The following NAALADL2 variants were observed in gnomAD, a reference collection of about 807,000 sequenced individuals.
NAALADL2 encodes N-acetylated alpha-linked acidic dipeptidase like 2.
A neutral mutation model predicts 87.2 loss-of-function variants in NAALADL2; 76 were observed. The observed-to-expected ratio is 0.87, with a 90% CI of 0.72 to 1.05. NAALADL2 has a LOEUF of 1.05. Among genes scored for constraint, NAALADL2 ranks in the 50% least tolerant of loss-of-function variants. The pLI, the probability that NAALADL2 is intolerant of heterozygous loss-of-function variation, is 0.00. For synonymous variants in NAALADL2, 354 were observed against 331.0 expected (o/e 1.07, Z -0.75); for missense variants, 1,089 against 945.8 (o/e 1.15, Z -1.99).
At chr3:175,093,521 T>C (rs1421586932) in intron 1 of NAALADL2, among the ~76,000 whole-genome samples, 1 of 147,890 alleles carries the variant, frequency 6.8e-6, no homozygotes, top group African/African-American at 2.5e-5. Context: ...CTAAATAATT[T>C]TATAGAAATA....
chr3:175,724,587 A>G (rs190822205), intron 11 of NAALADL2, among the ~76,000 whole-genome samples: 4 of 152,272 alleles, frequency 2.6e-5, no homozygotes, highest in East Asian at 1.9e-4. Flanking sequence ...AAGAAACTGC[A>G]TTAACAATGT....
chr3:175,043,321 C>T (rs1446631108), intron 1 of NAALADL2, among the ~76,000 whole-genome samples: 3 of 152,282 alleles, frequency 2.0e-5, no homozygotes, highest in African/African-American at 7.2e-5. Context: ...TCACTGCAAC[C>T]TCTGCCTCCC....
At chr3:175,730,884 C>T (rs1413196396) in intron 11 of NAALADL2, among the ~76,000 whole-genome samples, 2 of 152,044 alleles carry the variant, frequency 1.3e-5, no homozygotes, top group Non-Finnish European at 2.9e-5. Context: ...TGTAATTTTA[C>T]AGATGGTGAA....
intron 3 of NAALADL2, among the ~76,000 whole-genome samples, chr3:174,831,333 G>A (rs1232669707): frequency 6.8e-6 from 1 of 146,418 alleles, no homozygotes; most frequent in East Asian, 1.9e-4. Flanking sequence ...GTTGAATTTT[G>A]TCAAAGGCCT....
chr3:175,262,388 A>G (rs754169042), intron 4 of NAALADL2, among the ~76,000 whole-genome samples: 23 of 152,022 alleles, frequency 1.5e-4, no homozygotes, highest in Non-Finnish European at 3.2e-4. Context: ...ATTTATTCTA[A>G]TTATTAGAAA....
chr3:175,788,116 A>G (rs1752334405), intron 13 of NAALADL2, among the ~76,000 whole-genome samples: 1 of 142,858 alleles, frequency 7.0e-6, no homozygotes, highest in Middle Eastern at 3.6e-3. Context: ...TTTTTGAGAC[A>G]AGGTCTCACT....
chr3:174,454,191 T>C (rs1715670173), intron 1 of NAALADL2, among the ~76,000 whole-genome samples: 1 of 152,190 alleles, frequency 6.6e-6, no homozygotes, highest in Non-Finnish European at 1.5e-5. Context: ...CGGGAAGATC[T>C]AACTTTCCTA....
At chr3:175,071,330 C>T (rs79708344) in intron 1 of NAALADL2, among the ~76,000 whole-genome samples, 4,192 of 152,082 alleles carry the variant, frequency 0.028, 162 homozygotes, top group African/African-American at 0.09. Flanking sequence ...TTCCTTTACA[C>T]GAATTTTTGG....
chr3:175,451,169 G>T (rs774860726), intron 6 of NAALADL2, among the ~76,000 whole-genome samples: 5 of 151,972 alleles, frequency 3.3e-5, no homozygotes, highest in Admixed American at 6.6e-5. Context: ...CTTTGTTTCA[G>T]CCTATTTATA....
intron 1 of NAALADL2, among the ~76,000 whole-genome samples, chr3:174,874,643 AC>A (rs1280487445): frequency 6.6e-6 from 1 of 152,154 alleles, no homozygotes; most frequent in African/African-American, 2.4e-5. Flanking sequence ...AGAAAAAATA[AC>A]CTTGACTGGG....
intron 3 of NAALADL2, among the ~76,000 whole-genome samples, chr3:175,240,631 T>C (rs1746681425): frequency 6.6e-6 from 1 of 152,090 alleles, no homozygotes; most frequent in Non-Finnish European, 1.5e-5. Flanking sequence ...AACACAGAAA[T>C]GTGAACTTCG....
intron 5 of NAALADL2, among the ~76,000 whole-genome samples, chr3:175,327,162 T>C (rs902507329): frequency 2.1e-5 from 3 of 145,506 alleles, no homozygotes; most frequent in Non-Finnish European, 4.5e-5. Flanking sequence ...TTTTTTTTTT[T>C]TTTTTTTTTC....
intron 1 of NAALADL2, among the ~76,000 whole-genome samples, chr3:174,532,787 C>T (rs961566448): frequency 3.3e-4 from 50 of 152,044 alleles, no homozygotes; most frequent in Non-Finnish European, 4.4e-4. Context: ...CAAACTGTAT[C>T]CCCTGTTGAC....
intron 10 of NAALADL2, among the ~76,000 whole-genome samples, chr3:175,592,307 C>CTTTTTTT (rs758914649): frequency 1.9e-4 from 8 of 43,232 alleles, no homozygotes; most frequent in Non-Finnish European, 3.6e-4. Context: ...TTTTTCTTTT[C>CTTTTTTT]TTTTTTTTTT....
intron 2 of NAALADL2, among the ~76,000 whole-genome samples, chr3:174,664,572 TG>T (rs1414612187): frequency 1.3e-5 from 2 of 152,238 alleles, no homozygotes; most frequent in Non-Finnish European, 2.9e-5. Flanking sequence ...GCTTTCTTGC[TG>T]GCATCAGTTA....
intron 3 of NAALADL2, among the ~76,000 whole-genome samples, chr3:174,774,164 C>T (rs1714923745): frequency 6.6e-6 from 1 of 152,092 alleles, no homozygotes; most frequent in African/African-American, 2.4e-5. Flanking sequence ...TGCATATGGC[C>T]TTCTTATATG....
At chr3:174,568,200 T>C (rs940189184) in intron 2 of NAALADL2, among the ~76,000 whole-genome samples, 11 of 151,866 alleles carry the variant, frequency 7.2e-5, no homozygotes, top group Admixed American at 7.2e-4. Context: ...ACTTTCTATT[T>C]ATTGATATCA....
intron 2 of NAALADL2, among the ~76,000 whole-genome samples, chr3:174,615,194 GA>G (rs1720335821): frequency 6.6e-6 from 1 of 152,168 alleles, no homozygotes; most frequent in African/African-American, 2.4e-5. Flanking sequence ...TTTAAATGTG[GA>G]AGTAGCTATT....
chr3:175,467,087 C>G lies in NAALADL2; in HGVS notation c.1436C>G (p.Ser479Ter). The G allele has an allele frequency of 3.7e-6, 6 of 1,613,762 alleles. No individual in the cohort carries two copies. Among genetic ancestry groups the G allele is most frequent in the Non-Finnish European group, 5.1e-6 (6 of 1,179,816 alleles). The change falls in exon 8 of 14, where the codon TCA becomes TGA. Residue 479 changes from serine to a stop codon, truncating the protein, a stop_gained. Transcript: ENST00000454872. LOFTEE classifies it high-confidence loss of function. ...IITAFIRALM[S>*]KVKRGWRPDR... ...ACAGCGTTTATCCGTGCCTTGATGT[C>G]AAAAGTTAAGAGAGGGTGGAGACCA... is the stretch of plus-strand genomic sequence containing the variant.
Sources: allele counts gnomAD v4.1 joint callset (sites outside exome capture counted in the v4.1 genomes callset), GRCh38; gene constraint gnomAD v4.1.1; transcripts MANE v1.5; gene names NCBI Gene and HGNC (gene_info 2026-07-23, HGNC 2026-07-21).